FCHSD2: variants seen among roughly 807,000 people sequenced by gnomAD.
The protein encoded by FCHSD2 is FCH and double SH3 domains 2.
FCHSD2 carries 38 observed loss-of-function variants against 108.1 expected under a neutral mutation model. That is an observed-to-expected ratio of 0.35 (90% CI 0.27 to 0.46). The LOEUF is 0.46. Ranked by LOEUF, FCHSD2 falls within the 20% of genes least tolerant of loss-of-function variation. FCHSD2 has a pLI of 1.00. For synonymous variants in FCHSD2, 279 were observed against 314.7 expected, an observed-to-expected ratio of 0.89 and a Z score of 1.20; for missense variants, 751 against 897.8, an observed-to-expected ratio of 0.84 and a Z score of 2.09.
intron 3 of FCHSD2, among the ~76,000 whole-genome samples, chr11:73,040,791 C>A (rs1042062519): frequency 6.6e-6 from 1 of 152,112 alleles, no homozygotes; most frequent in Admixed American, 6.6e-5. Flanking sequence ...TTACACTAAT[C>A]CGACTGTGCT....
At chr11:72,998,920 G>A (rs1312959332) in intron 5 of FCHSD2, among the ~76,000 whole-genome samples, 3 of 152,166 alleles carry the variant, frequency 2.0e-5, no homozygotes, top group African/African-American at 7.2e-5. Flanking sequence ...GGTCATTTGG[G>A]AAAATGAAAA....
intron 1 of FCHSD2, among the ~76,000 whole-genome samples, chr11:73,140,481 A>T (rs1861220199): frequency 6.6e-6 from 1 of 152,244 alleles, no homozygotes; most frequent in Admixed American, 6.5e-5. Context: ...ATTCAAAGAC[A>T]TTAACCACCA....
intron 12 of FCHSD2, among the ~76,000 whole-genome samples, chr11:72,886,428 C>T (rs527903420): frequency 2.6e-5 from 4 of 152,270 alleles, no homozygotes; most frequent in Admixed American, 1.3e-4. Flanking sequence ...GTGTTACACC[C>T]GCAACAATCC....
chr11:73,087,932 G>A (rs1859862546), intron 2 of FCHSD2, among the ~76,000 whole-genome samples: 1 of 152,140 alleles, frequency 6.6e-6, no homozygotes, highest in Admixed American at 6.6e-5. Context: ...AAGCTGGAGT[G>A]CAGTGATGCA....
intron 8 of FCHSD2, among the ~76,000 whole-genome samples, chr11:72,972,589 T>C (rs1312238343): frequency 6.6e-6 from 1 of 152,250 alleles, no homozygotes; most frequent in African/African-American, 2.4e-5. Context: ...TAAAAAGTTG[T>C]TCAACTGCTA....
At chr11:73,014,815 T>C (rs1857934734) in intron 4 of FCHSD2, among the ~76,000 whole-genome samples, 1 of 152,060 alleles carries the variant, frequency 6.6e-6, no homozygotes, top group African/African-American at 2.4e-5. Context: ...AGATAATAAA[T>C]ACTTCCAAAT....
intron 12 of FCHSD2, among the ~76,000 whole-genome samples, chr11:72,872,585 T>C (rs1854884986): frequency 1.3e-5 from 2 of 152,216 alleles, no homozygotes; most frequent in Admixed American, 1.3e-4. Flanking sequence ...CTTTGCATAA[T>C]ATTTTCAAGA....
intron 3 of FCHSD2, among the ~76,000 whole-genome samples, chr11:73,052,404 A>G (rs1353687980): frequency 6.6e-6 from 1 of 152,168 alleles, no homozygotes; most frequent in Non-Finnish European, 1.5e-5. Flanking sequence ...CTCTTGGTAT[A>G]ATTTTTTTTT....
chr11:72,902,768 A>T (rs1289822096), intron 9 of FCHSD2, 130 bp from the exon 10 acceptor site: 1 of 573,614 alleles, frequency 1.7e-6, no homozygotes, highest in Non-Finnish European at 3.0e-6. Flanking sequence ...GTAAAAAAGA[A>T]ATGGTGTTAC....
At chr11:72,869,734 C>T (rs1388411654) in intron 12 of FCHSD2, 1 of 152,032 alleles carries the variant, frequency 6.6e-6, no homozygotes, top group East Asian at 1.9e-4. Context: ...GTGATAAAGT[C>T]TGTTTCCTTT....
At chr11:72,980,742 GTGTGTGTATATATA>G (rs1395541296) in intron 8 of FCHSD2, among the ~76,000 whole-genome samples, 1 of 150,054 alleles carries the variant, frequency 6.7e-6, no homozygotes, top group Non-Finnish European at 1.5e-5. Flanking sequence ...ATGTATATAT[GTGTGTGTATATATA>G]TGTGTATGTA....
intron 2 of FCHSD2, among the ~76,000 whole-genome samples, chr11:73,105,762 TAA>T: frequency 6.6e-6 from 1 of 152,346 alleles, no homozygotes; most frequent in East Asian, 1.9e-4. Context: ...TAATTATTTT[TAA>T]GTTTTACATA....
intron 13 of FCHSD2, among the ~76,000 whole-genome samples, chr11:72,856,464 C>A (rs1174158330): frequency 6.6e-6 from 1 of 152,152 alleles, no homozygotes; most frequent in Non-Finnish European, 1.5e-5. Flanking sequence ...ATCAAAATGT[C>A]CTTCTGTATC....
rs11235610 is a variant in FCHSD2, at chr11:72,884,997, T to C, written c.1146+2473A>G. On this transcript the variant is annotated intron_variant, in intron 12 of 19. Coordinates refer to ENST00000409418, the MANE Select transcript of FCHSD2 (RefSeq NM_014824.3). Reference sequence around the variant, plus strand: ...GTGTTCTCTCTTTTGTATAGGTATTTATAATAAATAAAGTATCGATAAAAA... The same window carrying C: ...GTGTTCTCTCTTTTGTATAGGTATTCATAATAAATAAAGTATCGATAAAAA... 4.6e-3 allele frequency among the ~76,000 whole-genome samples: 700 copies of C among 152,268 alleles called. 4 individuals are homozygous for C. The highest frequency in any genetic ancestry group is 0.01 in the Admixed American group (155 of 15,296).
chr11:73,115,582 T>C (rs940018972), intron 2 of FCHSD2, among the ~76,000 whole-genome samples: 4 of 152,086 alleles, frequency 2.6e-5, no homozygotes, highest in Admixed American at 1.3e-4. Flanking sequence ...ACAGAGTGAA[T>C]AGGGAAGAGA....
rs577825018 is a variant in FCHSD2, at chr11:72,980,892, G to A, written c.705+3196C>T. Among the ~76,000 whole-genome samples, 184 of 152,104 alleles carry A rather than the reference G, an allele frequency of 1.2e-3. 1 individual carries two copies. The highest frequency in any genetic ancestry group is 1.9e-3 in the Non-Finnish European group (132 of 67,992). On this transcript the variant is annotated intron_variant, in intron 8 of 19. Transcript: ENST00000409418. Reference sequence around the variant, plus strand: ...CATGCTGTAAGAGGCTCTTAAATGTGTATGATTAAACCAACAAATCAAATA... The same window carrying A: ...CATGCTGTAAGAGGCTCTTAAATGTATATGATTAAACCAACAAATCAAATA...
chr11:72,989,735 G>T (rs954657794), intron 5 of FCHSD2, among the ~76,000 whole-genome samples: 1 of 152,156 alleles, frequency 6.6e-6, no homozygotes, highest in Non-Finnish European at 1.5e-5. Flanking sequence ...ATAACACACC[G>T]GGGCCAAGCA....
At chr11:72,889,970 T>TA in intron 10 of FCHSD2, 25 bp from the exon 11 acceptor site, 1 of 1,413,818 alleles carries the variant, frequency 7.1e-7, no homozygotes, top group Non-Finnish European at 1.0e-6. Flanking sequence ...AGAACAGAGA[T>TA]AAAAATATTG....
intron 9 of FCHSD2, among the ~76,000 whole-genome samples, chr11:72,910,817 C>G (rs1855749188): frequency 1.7e-5 from 2 of 118,788 alleles, no homozygotes; most frequent in South Asian, 5.5e-4. Flanking sequence ...CAAGAATGAT[C>G]AATAAATACT....
Sources: allele counts gnomAD v4.1 joint callset (sites outside exome capture counted in the v4.1 genomes callset), GRCh38; gene constraint gnomAD v4.1.1; transcripts MANE v1.5; gene names NCBI Gene and HGNC (gene_info 2026-07-23, HGNC 2026-07-21).